KCNH8: variants seen among roughly 807,000 people sequenced by gnomAD.
KCNH8 encodes the protein potassium voltage-gated channel subfamily H member 8, also known as voltage-gated delayed rectifier potassium channel KCNH8.
A neutral mutation model predicts 103.6 loss-of-function variants in KCNH8; 70 were observed. The observed-to-expected ratio is 0.68, with a 90% CI of 0.56 to 0.82. The LOEUF is 0.82. Ranked by LOEUF, KCNH8 falls within the 40% of genes least tolerant of loss-of-function variation. The pLI, the probability that KCNH8 is intolerant of heterozygous loss-of-function variation, is 0.00. For missense variants in KCNH8, 1,217 were observed against 1,329.9 expected, an observed-to-expected ratio of 0.92 and a Z score of 1.32; for synonymous variants, 498 against 489.4, an observed-to-expected ratio of 1.02 and a Z score of -0.23.
chr3:19,376,111 C>T (rs556420697), intron 5 of KCNH8, among the ~76,000 whole-genome samples: 6 of 152,334 alleles, frequency 3.9e-5, no homozygotes, highest in African/African-American at 1.4e-4. Flanking sequence ...CCTCCTTGAG[C>T]TGTGGTGGGC....
At chr3:19,239,346 G>A (rs2064106214) in intron 1 of KCNH8, among the ~76,000 whole-genome samples, 1 of 152,066 alleles carries the variant, frequency 6.6e-6, no homozygotes, top group African/African-American at 2.4e-5. Context: ...CATGGATGAG[G>A]GGCAGAAAAG....
chr3:19,408,990 T>TAG (rs1235485669), intron 7 of KCNH8, among the ~76,000 whole-genome samples: 1 of 151,758 alleles, frequency 6.6e-6, no homozygotes, highest in Non-Finnish European at 1.5e-5. Flanking sequence ...ACTAGAGAGG[T>TAG]AGAAATTCAG....
At chr3:19,373,598 C>A (rs1458543366) in intron 5 of KCNH8, among the ~76,000 whole-genome samples, 2 of 151,984 alleles carry the variant, frequency 1.3e-5, no homozygotes, top group Non-Finnish European at 2.9e-5. Context: ...TTTTTTGTGT[C>A]TCTATTTCCT....
At chr3:19,507,993 G>A (rs1423176169) in intron 11 of KCNH8, among the ~76,000 whole-genome samples, 1 of 152,158 alleles carries the variant, frequency 6.6e-6, no homozygotes, top group Non-Finnish European at 1.5e-5. Context: ...TGCATCTATT[G>A]AGATGATCAT....
chr3:19,523,618 C>T (rs2069010715), intron 15 of KCNH8, among the ~76,000 whole-genome samples: 1 of 151,836 alleles, frequency 6.6e-6, no homozygotes, highest in Admixed American at 6.6e-5. Context: ...CACAGTTGTT[C>T]GGTTTGAAAG....
At chr3:19,395,421 C>T (rs2066501126) in intron 7 of KCNH8, 110 bp downstream of exon 7, 1 of 647,606 alleles carries the variant, frequency 1.5e-6, no homozygotes, top group Non-Finnish European at 2.5e-6. Context: ...TTCTTACTAT[C>T]AATTTGTCTA....
intron 15 of KCNH8, among the ~76,000 whole-genome samples, chr3:19,520,689 T>C (rs996290773): frequency 2.6e-5 from 4 of 151,940 alleles, no homozygotes; most frequent in Non-Finnish European, 5.9e-5. Context: ...AAGAGAAGAA[T>C]TGATAATAAA....
At chr3:19,319,697 G>A (rs1020626668) in intron 3 of KCNH8, among the ~76,000 whole-genome samples, 1 of 151,928 alleles carries the variant, frequency 6.6e-6, no homozygotes, top group Admixed American at 6.6e-5. Context: ...TTCTACTTCT[G>A]TGGAGAATGA....
chr3:19,202,516 G>C (rs901993404), intron 1 of KCNH8, among the ~76,000 whole-genome samples: 1 of 152,024 alleles, frequency 6.6e-6, no homozygotes, highest in Non-Finnish European at 1.5e-5. Flanking sequence ...AGACCTCTCA[G>C]TCCTCAGGGG....
intron 1 of KCNH8, among the ~76,000 whole-genome samples, chr3:19,200,148 TAAAAC>T (rs1489637373): frequency 4.6e-5 from 7 of 151,628 alleles, no homozygotes; most frequent in Admixed American, 3.3e-4. Flanking sequence ...ACATAAAAAA[TAAAAC>T]AAGAGGAAAA....
At chr3:19,170,721 C>CAT (rs1404574623) in intron 1 of KCNH8, among the ~76,000 whole-genome samples, 7 of 113,560 alleles carry the variant, frequency 6.2e-5, no homozygotes, top group Non-Finnish European at 1.1e-4. Context: ...TATACACACA[C>CAT]ATATATACAC....
chr3:19,390,837 A>G (rs1259870332), intron 6 of KCNH8, among the ~76,000 whole-genome samples, 199 bp downstream of exon 6: 1 of 152,124 alleles, frequency 6.6e-6, no homozygotes, highest in African/African-American at 2.4e-5. Flanking sequence ...TTAGCTGTTC[A>G]TGCTTTTTTC....
rs1209040973 is a variant in KCNH8 at position 19,535,544 on chromosome 3, A to G, written c.*1445A>G. On this transcript the variant is annotated 3_prime_UTR_variant, in exon 16 of 16. Transcript: ENST00000328405. ...CAGTTACAGTCTAATTGTCTTGGAC[A>G]TTTTGGGAAGATATATTGGGTTCAC... 1 of 152,190 alleles carries G rather than the reference A, an allele frequency of 6.6e-6. No homozygotes were observed. The highest frequency in any genetic ancestry group is 1.5e-5 in the Non-Finnish European group (1 of 68,034). 9.4% of individuals were successfully genotyped at this position (152,190 alleles called of 1,614,324 possible).
chr3:19,524,706 T>C (rs751139203), intron 15 of KCNH8, among the ~76,000 whole-genome samples: 2 of 151,954 alleles, frequency 1.3e-5, no homozygotes, highest in Non-Finnish European at 2.9e-5. Context: ...TGCTTATAGA[T>C]AGGACTCTTC....
chr3:19,303,082 A>G (rs2065084236), intron 3 of KCNH8, among the ~76,000 whole-genome samples: 1 of 152,174 alleles, frequency 6.6e-6, no homozygotes, highest in African/African-American at 2.4e-5. Flanking sequence ...GGATATATCA[A>G]ATTTCAAGAT....
At chr3:19,374,547 A>G (rs1354921479) in intron 5 of KCNH8, among the ~76,000 whole-genome samples, 2 of 151,578 alleles carry the variant, frequency 1.3e-5, no homozygotes, top group South Asian at 2.1e-4. Context: ...ATGGGTGTTG[A>G]CTCTTTATCC....
chr3:19,487,155 G>A (rs763948592), intron 11 of KCNH8, among the ~76,000 whole-genome samples: 16 of 152,270 alleles, frequency 1.1e-4, no homozygotes, highest in Non-Finnish European at 1.8e-4. Context: ...TGGGGAAGCC[G>A]GGTCCAAGTG....
At chr3:19,249,848 C>T (rs150581620) in intron 1 of KCNH8, among the ~76,000 whole-genome samples, 1 of 151,898 alleles carries the variant, frequency 6.6e-6, no homozygotes, top group East Asian at 1.9e-4. Flanking sequence ...TATGGTATAC[C>T]CAGGGGTTTT....
intron 2 of KCNH8, among the ~76,000 whole-genome samples, chr3:19,272,547 G>A (rs1390228006): frequency 6.6e-6 from 1 of 152,040 alleles, no homozygotes; most frequent in African/African-American, 2.4e-5. Context: ...GAACTGTGCT[G>A]CAATCTAGAC....
Sources: allele counts gnomAD v4.1 joint callset (sites outside exome capture counted in the v4.1 genomes callset), GRCh38; gene constraint gnomAD v4.1.1; transcripts MANE v1.5; gene names NCBI Gene and HGNC (gene_info 2026-07-23, HGNC 2026-07-21).